ST13: variants seen among roughly 807,000 people sequenced by gnomAD.
The protein encoded by ST13 is hsc70-interacting protein.
A neutral mutation model predicts 56.7 loss-of-function variants in ST13; 23 were observed. The ratio of observed to expected loss-of-function variants is 0.41; its 90% CI spans 0.29 to 0.57. The LOEUF (loss-of-function observed/expected upper bound fraction) is 0.57, where lower values mean the gene tolerates loss of function less well. ST13 is among the 20% of genes least tolerant of loss of function. The pLI is 0.36. For synonymous variants in ST13, 132 were observed against 142.4 expected, an observed-to-expected ratio of 0.93 and a Z score of 0.52; for missense variants, 369 against 459.9, an observed-to-expected ratio of 0.80 and a Z score of 1.81.
rs1235632732 is a variant in ST13 at position 40,856,422 on chromosome 22, G to A, written c.110+9C>T. The A allele has an allele frequency of 1.9e-6, 3 of 1,609,772 alleles. No individual in the cohort carries two copies. Among genetic ancestry groups the A allele is most frequent in the Non-Finnish European group, 2.6e-6 (3 of 1,176,354 alleles). On this transcript the variant is annotated intron_variant, in intron 1 of 11. Transcript: ENST00000216218. ...CCCGCCCCCAACGGTCCTCAGGCCT[G>A]GGTCTCACCTCTCCACCCACTCCCT... is the stretch of plus-strand genomic sequence containing the variant.
chr22:40,854,991 G>A (rs373745764), intron 1 of ST13, among the ~76,000 whole-genome samples: 2 of 152,160 alleles, frequency 1.3e-5, no homozygotes, highest in East Asian at 1.9e-4. Flanking sequence ...ATATAAGTAA[G>A]TCTTCCAGTA....
chr22:40,825,706 A>G lies in ST13; in HGVS notation c.*832T>C, dbSNP rs2057724468. ...AGGGAGACAAATGTAGCAAGCAGAA[A>G]GCAAACACAGATTTGGGCAATTTTT... On this transcript the variant is annotated 3_prime_UTR_variant, in exon 12 of 12. Coordinates refer to ENST00000216218, the MANE Select transcript of ST13 (RefSeq NM_003932.5). 6.6e-6 allele frequency: 1 copy of G among 152,148 alleles called. No homozygotes were observed. The highest frequency in any genetic ancestry group is 1.5e-5 in the Non-Finnish European group (1 of 68,022). The allele number at this position is 152,148 out of a possible 1,614,324, so 9.4% of individuals were successfully genotyped here.
rs1017775076 is a variant in ST13 at position 40,833,070 on chromosome 22, C to T, written c.579-399G>A. ...ACATGTGTACAGGCTTTACGAAAAA[C>T]TCAGAACAAGTAAACCAGAAACTAA... On this transcript the variant is annotated intron_variant, in intron 7 of 11. Coordinates refer to ENST00000216218, the MANE Select transcript of ST13 (RefSeq NM_003932.5). 5.3e-5 allele frequency among the ~76,000 whole-genome samples: 8 copies of T among 152,258 alleles called. No homozygotes were observed. In the East Asian group the frequency reaches 1.5e-3, roughly 29 times the overall value.
In ST13 at chr22:40,835,811, C is replaced by A. The variant is rs2057774468; in HGVS notation, c.459G>T (p.Lys153Asn). The A allele has an allele frequency of 6.2e-7, 1 of 1,613,764 alleles. No homozygotes were observed. Among genetic ancestry groups the A allele is most frequent in the South Asian group, 1.1e-5 (1 of 91,040 alleles). Residue 153 changes from lysine to asparagine, a missense_variant, in exon 6 of 12, where the codon AAG (lysine) becomes AAT (asparagine). This residue lies in a region of ST13 where 64 missense variants were observed against 125.1 expected (regional missense o/e 0.51). Transcript: ENST00000216218. Reference sequence around the variant, plus strand: ...CTGTTTAGAGTTCTCACCTGGCCCTCTTGGCATACAAAATGGCCAAGCGAG... The same window carrying A: ...CTGTTTAGAGTTCTCACCTGGCCCTATTGGCATACAAAATGGCCAAGCGAG... Reference protein sequence around the residue: ...LNPRLAILYAKRASVFVKLQK... With the variant: ...LNPRLAILYANRASVFVKLQK...
chr22:40,848,333 A>G lies in ST13; in HGVS notation c.205T>C (p.Leu69=), dbSNP rs769037228. ...KPDSKKVEED[L]KADEPSSEES... ...TCACTTGATGGTTCGTCTGCCTTTA[A>G]GTCTTCCTCCACCTTCTTACTATCA... Residue 69 remains leucine (L), a synonymous_variant, in exon 3 of 12, where the codon TTA becomes CTA. Transcript: ENST00000216218. The G allele has an allele frequency of 1.2e-6, 2 of 1,613,488 alleles. No individual in the cohort carries two copies. The highest frequency in any genetic ancestry group is 3.3e-5 in the Admixed American group (2 of 60,010).
Position 40,844,780 on chromosome 22 carries a change from C to T in ST13, c.315+59G>A, listed in dbSNP as rs765262299. On this transcript the variant is annotated intron_variant, in intron 4 of 11. Transcript: ENST00000216218. Reference sequence around the variant, plus strand: ...GAAGAATCGTGTCATAAAATCATTGCAACAGCAGGACCTTTCACATTTCTT... The same window carrying T: ...GAAGAATCGTGTCATAAAATCATTGTAACAGCAGGACCTTTCACATTTCTT... 6.5e-6 allele frequency: 9 copies of T among 1,379,592 alleles called. No homozygotes were observed. In the Admixed American group the frequency reaches 9.2e-5, roughly 14 times the overall value. The allele number at this position is 1,379,592 out of a possible 1,614,324, so 85.5% of individuals were successfully genotyped here. A position where few individuals can be genotyped will look rare whatever the true frequency, so the allele number is the denominator to read the frequency against.
chr22:40,845,343 C>T (rs1423567364), intron 3 of ST13, among the ~76,000 whole-genome samples: 1 of 152,092 alleles, frequency 6.6e-6, no homozygotes, highest in South Asian at 2.1e-4. Flanking sequence ...TCATTACTTT[C>T]CTTTTTTAAA....
Position 40,827,186 on chromosome 22 carries a change from C to A in ST13, c.891G>T (p.Met297Ile). The change falls in exon 11 of 12, where the codon ATG (methionine) becomes ATT (isoleucine). Residue 297 changes from methionine to isoleucine, a missense_variant. Met to Ile is a conservative substitution (Grantham distance 10). Transcript: ENST00000216218. The part of the protein sequence containing the change: ...GGMPGNFPGG[M>I]PGMGGGMPGM... ...CAGGCATGCCCCCTCCCATTCCAGG[C>A]ATTCCTCCGGGAAAATTACCAGGCA... The A allele has an allele frequency of 6.2e-7, 1 of 1,613,186 alleles. No homozygotes were observed. Among genetic ancestry groups the A allele is most frequent in the South Asian group, 1.1e-5 (1 of 91,046 alleles).
chr22:40,832,519 A>G (rs1186965102), intron 8 of ST13, 50 bp downstream of exon 8: 3 of 1,351,002 alleles, frequency 2.2e-6, no homozygotes, highest in Admixed American at 1.7e-5. Context: ...TAAGCACTAC[A>G]GCGATGGAGT....
chr22:40,835,859 G>T lies in ST13; in HGVS notation c.411C>A (p.Phe137Leu), dbSNP rs763088256. The T allele has an allele frequency of 6.8e-6, 11 of 1,612,980 alleles. No homozygotes were observed. Among genetic ancestry groups the T allele is most frequent in the African/African-American group, 1.3e-5 (1 of 74,884 alleles). ...GAGGATTCAGCTTGATGGCATCTGT[G>T]AATAAGTCAATGGCTTTCTGGAGTT... ...DGELQKAIDL[F>L]TDAIKLNPRL... The change falls in exon 6 of 12, where the codon TTC (phenylalanine) becomes TTA (leucine). Residue 137 changes from phenylalanine to leucine, a missense_variant. By Grantham distance (22) the Phe-to-Leu change is conservative. Around this residue, in one of 3 missense-constraint regions of ST13, gnomAD observed 169 missense variants for 175.6 expected, o/e 0.96. Transcript: ENST00000216218.
rs368053189 is a variant in ST13, at chr22:40,850,887, G to C, written c.111-7C>G. 1.3e-6 allele frequency: 2 copies of C among 1,583,842 alleles called. No individual in the cohort carries two copies. The highest frequency in any genetic ancestry group is 1.7e-6 in the Non-Finnish European group (2 of 1,168,626). On this transcript the variant is annotated splice_region_variant and splice_polypyrimidine_tract_variant and intron_variant, in intron 1 of 11. Coordinates refer to ENST00000216218, the MANE Select transcript of ST13 (RefSeq NM_003932.5). ...TGGTACTTTACCACCCATGCTTGAA[G>C]AAGATGAGAAAAAAGATATTTGTTT...
intron 11 of ST13, 69 bp from the exon 12 acceptor site, chr22:40,826,735 T>C (rs2057730339): frequency 6.4e-7 from 1 of 1,554,942 alleles, no homozygotes; most frequent in African/African-American, 1.4e-5. Context: ...TATCCTAAAT[T>C]CCATCTCTTA....
Position 40,850,851 on chromosome 22 carries a change from T to C in ST13, c.140A>G (p.Gln47Arg), listed in dbSNP as rs201978615. Residue 47 changes from glutamine (Q) to arginine (R), a missense_variant, in exon 2 of 12, where the codon CAG becomes CGG. This residue lies in a region of ST13 where 169 missense variants were observed against 175.6 expected (regional missense o/e 0.96). Transcript: ENST00000216218. ...SMGGKVPPAT[Q>R]KAKSEENTKE... ...GGTATTTTCTTCTGATTTAGCTTTCTGAGTAGCAGGTGGTACTTTACCACC... is the reference window on the plus strand; with the variant it reads ...GGTATTTTCTTCTGATTTAGCTTTCCGAGTAGCAGGTGGTACTTTACCACC... The C allele has an allele frequency of 1.6e-5, 26 of 1,605,432 alleles. No homozygotes were observed. In the African/African-American group the frequency reaches 3.5e-4, roughly 22 times the overall value.
chr22:40,834,306 C>T (rs1019884712), intron 7 of ST13, among the ~76,000 whole-genome samples: 2 of 152,064 alleles, frequency 1.3e-5, no homozygotes, highest in Non-Finnish European at 2.9e-5. Flanking sequence ...CAAAGCAAAA[C>T]AAAAACTTCC....
In ST13 at chr22:40,833,340, C is replaced by A. The variant is rs182973125; in HGVS notation, c.579-669G>T. On this transcript the variant is annotated intron_variant, in intron 7 of 11. Transcript: ENST00000216218. ...ATCCCAGCACTTTGGGAGGCCGAGG[C>A]GGGCAGAACGCGAGGTCAGGAGATC... 2.8e-4 allele frequency among the ~76,000 whole-genome samples: 43 copies of A among 151,966 alleles called. No homozygotes were observed. In the South Asian group the frequency reaches 3.3e-3, roughly 12 times the overall value.
chr22:40,840,499 G>T, intron 5 of ST13, 127 bp downstream of exon 5: 1 of 745,762 alleles, frequency 1.3e-6, no homozygotes, highest in Non-Finnish European at 2.2e-6. Context: ...GGGGTGACTG[G>T]ATAATAGGAC....
chr22:40,855,426 G>A (rs1209774511), intron 1 of ST13, among the ~76,000 whole-genome samples: 1 of 152,166 alleles, frequency 6.6e-6, no homozygotes, highest in Non-Finnish European at 1.5e-5. Flanking sequence ...GGACAATACA[G>A]CCAAACCCTG....
Position 40,826,818 on chromosome 22 carries a change from T to C in ST13, c.982-152A>G, listed in dbSNP as rs185489689. ...AGTGCTTGAAGTATCAAAATCAAGC[T>C]GAATTAAGTCATTTGAACTGTATGA... On this transcript the variant is annotated intron_variant, in intron 11 of 11. Coordinates refer to ENST00000216218, the MANE Select transcript of ST13 (RefSeq NM_003932.5). The C allele has an allele frequency of 2.2e-5, 22 of 980,290 alleles. No homozygotes were observed. The African/African-American group carries it at 3.4e-4, about 15-fold the overall frequency. The allele number at this position is 980,290 out of a possible 1,614,324, so 60.7% of individuals were successfully genotyped here.
chr22:40,855,883 G>A (rs560971419), intron 1 of ST13, among the ~76,000 whole-genome samples: 2 of 143,564 alleles, frequency 1.4e-5, no homozygotes, highest in Admixed American at 6.7e-5. Context: ...AAGTAACGGA[G>A]GTATAATAAG....
Sources: gnomAD v4.1 joint callset for allele counts (sites outside exome capture counted in the v4.1 genomes callset) on GRCh38, gnomAD v4.1.1 for gene constraint, gnomAD v4.1.1 regional missense constraint, MANE v1.5 for transcripts, NCBI Gene and HGNC (gene_info 2026-07-23, HGNC 2026-07-21) for gene names.